DLC1: variants seen among roughly 807,000 people sequenced by gnomAD.
DLC1 encodes the protein rho GTPase-activating protein 7.
In DLC1, 54 loss-of-function variants were observed where a neutral mutation model predicts 140.3. The ratio of observed to expected loss-of-function variants is 0.38; its 90% CI spans 0.31 to 0.48. DLC1 has a LOEUF of 0.48. Ranked by LOEUF, DLC1 falls within the 20% of genes least tolerant of loss-of-function variation. DLC1 has a pLI of 0.96. For synonymous variants in DLC1, 986 were observed against 728.1 expected (o/e 1.35, Z -5.70); for missense variants, 2,536 against 1,907.0 (o/e 1.33, Z -6.14).
chr8:13,314,001 G>C (rs1225971268), intron 4 of DLC1, among the ~76,000 whole-genome samples: 1 of 151,928 alleles, frequency 6.6e-6, no homozygotes, highest in East Asian at 1.9e-4. Context: ...TGGAGCAGCA[G>C]GACCTGAGGG....
intron 5 of DLC1, among the ~76,000 whole-genome samples, chr8:13,258,526 G>C (rs1188294): frequency 0.72 from 109,807 of 152,120 alleles, 40,037 homozygotes; most frequent in East Asian, 0.92. Context: ...ACTTTGGATT[G>C]GGGGGAATTA....
intron 5 of DLC1, among the ~76,000 whole-genome samples, chr8:13,251,907 A>C (rs1398909839): frequency 6.6e-6 from 1 of 152,220 alleles, no homozygotes; most frequent in Non-Finnish European, 1.5e-5. Flanking sequence ...GAATTAGATG[A>C]AAAATAATTT....
At chr8:13,562,921 AC>A (rs1381244277) in intron 1 of DLC1, among the ~76,000 whole-genome samples, 12 of 151,192 alleles carry the variant, frequency 7.9e-5, no homozygotes, top group East Asian at 2.0e-4. Context: ...CAAAAAAAAA[AC>A]GCCATAAAGC....
chr8:13,347,807 A>G (rs1834425901), intron 4 of DLC1, among the ~76,000 whole-genome samples: 1 of 152,190 alleles, frequency 6.6e-6, no homozygotes, highest in South Asian at 2.1e-4. Flanking sequence ...GAGGCCCTTA[A>G]TCTTCCAGGG....
At chr8:13,525,003 CCTT>C (rs1802875982) in intron 1 of DLC1, among the ~76,000 whole-genome samples, 2 of 151,658 alleles carry the variant, frequency 1.3e-5, no homozygotes, top group South Asian at 2.1e-4. Flanking sequence ...CTCCTTTCTC[CCTT>C]CTTCTGCTCC....
chr8:13,477,903 T>C (rs1800509591), intron 2 of DLC1, among the ~76,000 whole-genome samples: 2 of 152,176 alleles, frequency 1.3e-5, no homozygotes, highest in Middle Eastern at 3.4e-3. Context: ...CAAAAAGGAA[T>C]GATTCAGGTA....
In DLC1 at chr8:13,479,835, GA is replaced by G. The variant is rs376854781; in HGVS notation, c.1023+19213del. Among the ~76,000 whole-genome samples, 140 of 39,402 alleles carry G rather than the reference GA, an allele frequency of 3.6e-3. 9 individuals are homozygous for G. The highest frequency in any genetic ancestry group is 0.013 in the African/African-American group (103 of 8,240). The allele number at this position is 39,402 out of a possible 152,430, so 25.8% of individuals were successfully genotyped here. Reference sequence around the variant, plus strand: ...AGAAGAAGAAGAAGAAGAAGAAGAAGAAGAAGAAGAAGAAGAAGAAGAAGAG... The same window carrying G: ...AGAAGAAGAAGAAGAAGAAGAAGAAGAGAAGAAGAAGAAGAAGAAGAAGAG... On this transcript the variant is annotated intron_variant, in intron 2 of 17. Transcript: ENST00000276297.
Position 13,594,260 on chromosome 8 carries a change from C to T in DLC1, c.-126+10277G>A, listed in dbSNP as rs74789572. ...TCTGATTCCAACAAACAGAAAACCT[C>T]ATGACCTTTTGAAGTATAGGCCTTT... is the stretch of plus-strand genomic sequence containing the variant. On this transcript the variant is annotated intron_variant, in intron 1 of 1. Coordinates refer to the DLC1 transcript ENST00000631382. 7.6e-3 allele frequency among the ~76,000 whole-genome samples: 1,161 copies of T among 152,232 alleles called. 17 individuals carry two copies. Among genetic ancestry groups the T allele is most frequent in the African/African-American group, 0.026 (1,084 of 41,558 alleles).
chr8:13,518,327 T>C (rs73210017), upstream of DLC1, among the ~76,000 whole-genome samples: 14,276 of 152,188 alleles, frequency 0.094, 1,813 homozygotes, highest in East Asian at 0.57. Flanking sequence ...CAGGGTGGTC[T>C]TAAACTCCTG....
intron 5 of DLC1, among the ~76,000 whole-genome samples, chr8:13,133,753 A>G (rs919471545): frequency 6.6e-6 from 1 of 151,918 alleles, no homozygotes; most frequent in Non-Finnish European, 1.5e-5. Context: ...AGCTCTGCGT[A>G]CTTTTTACCT....
chr8:13,387,283 C>T (rs7012043), intron 4 of DLC1, among the ~76,000 whole-genome samples: 2,705 of 152,070 alleles, frequency 0.018, 76 homozygotes, highest in African/African-American at 0.061. Context: ...TTGTAAAAGA[C>T]AGTACTTTAT....
intron 2 of DLC1, among the ~76,000 whole-genome samples, chr8:13,447,123 T>C (rs1394211719): frequency 6.6e-6 from 1 of 152,112 alleles, no homozygotes; most frequent in East Asian, 1.9e-4. Context: ...TTAGCTAACA[T>C]GTATGCTATG....
Position 13,206,999 on chromosome 8 carries a change from C to T in DLC1, c.1349-91342G>A, listed in dbSNP as rs181729999. Among the ~76,000 whole-genome samples, 560 of 152,114 alleles carry T rather than the reference C, an allele frequency of 3.7e-3. 3 individuals carry two copies. Among genetic ancestry groups the T allele is most frequent in the African/African-American group, 0.013 (523 of 41,512 alleles). On this transcript the variant is annotated intron_variant, in intron 5 of 17. Coordinates refer to ENST00000276297, the MANE Select transcript of DLC1 (RefSeq NM_182643.3). The stretch of plus-strand genomic sequence containing the variant: ...CTCCAAGATAAAGATGTCACTTAAA[C>T]AATGAGTGAGCAAGTAAGTGCTTTA...
rs144507073 is a variant in DLC1 at position 13,440,552 on chromosome 8, A to G, written c.1024-38933T>C. On this transcript the variant is annotated intron_variant, in intron 2 of 17. Transcript: ENST00000276297. ...ATTTTGCTCTTTTTTTTTTTCTGAG[A>G]TGAAACATCCAATTCTCTTTCTATG... 1.5e-3 allele frequency among the ~76,000 whole-genome samples: 227 copies of G among 151,048 alleles called. 1 individual carries two copies. The highest frequency in any genetic ancestry group is 5.3e-3 in the African/African-American group (219 of 41,198).
intron 2 of DLC1, among the ~76,000 whole-genome samples, chr8:13,452,139 GA>G (rs1799092481): frequency 6.6e-6 from 1 of 151,266 alleles, no homozygotes; most frequent in South Asian, 2.1e-4. Context: ...AGCAACATTT[GA>G]AGAGTTATCT....
rs368013617 is a variant in DLC1, at chr8:13,188,526, A to G, written c.1349-72869T>C. ...CTTTCTATAGTATTGGAGATGTTAG[A>G]TTTCTTAGGCTGGATGGTGAGTACA... is the stretch of plus-strand genomic sequence containing the variant. On this transcript the variant is annotated intron_variant, in intron 5 of 17. Coordinates refer to ENST00000276297, the MANE Select transcript of DLC1 (RefSeq NM_182643.3). Among the ~76,000 whole-genome samples the G allele has an allele frequency of 4.8e-5, 7 of 146,498 alleles. No homozygotes were observed. The East Asian group carries it at 1.2e-3, about 25-fold the overall frequency.
intron 4 of DLC1, among the ~76,000 whole-genome samples, chr8:13,331,320 C>G (rs1012343349): frequency 6.6e-6 from 1 of 152,080 alleles, no homozygotes; most frequent in Non-Finnish European, 1.5e-5. Context: ...TGGTAGGATT[C>G]TTTTTTGCTC....
chr8:13,297,215 G>C (rs1372627053), intron 5 of DLC1, among the ~76,000 whole-genome samples: 3 of 126,776 alleles, frequency 2.4e-5, no homozygotes, highest in Non-Finnish European at 4.7e-5. Flanking sequence ...ACACTGAGAA[G>C]TTATGTGTGG....
At chr8:13,356,531 C>G (rs1423514771) in intron 4 of DLC1, among the ~76,000 whole-genome samples, 2 of 152,238 alleles carry the variant, frequency 1.3e-5, no homozygotes, top group Non-Finnish European at 2.9e-5. Flanking sequence ...TCCACACCCA[C>G]AAAGAGAATT....
Sources: allele counts gnomAD v4.1 joint callset (sites outside exome capture counted in the v4.1 genomes callset), GRCh38; gene constraint gnomAD v4.1.1; transcripts MANE v1.5; gene names NCBI Gene and HGNC (gene_info 2026-07-23, HGNC 2026-07-21).